Variants in TMEM217B observed in about 807,000 individuals in gnomAD.
TMEM217B encodes transmembrane protein 217B.
At chr6:37,228,285 T>A in the TMEM217B span, among the ~76,000 whole-genome samples, 1 of 152,208 alleles carries the variant, frequency 6.6e-6, no homozygotes, top group Non-Finnish European at 1.5e-5. Flanking sequence ...ATTGTAGCAA[T>A]TAGGACAGTG....
the TMEM217B span, among the ~76,000 whole-genome samples, chr6:37,246,684 C>T: frequency 1.3e-5 from 2 of 152,136 alleles, no homozygotes; most frequent in African/African-American, 4.8e-5. Flanking sequence ...GGGAGGATCA[C>T]TTGAGCTCAG....
the TMEM217B span, among the ~76,000 whole-genome samples, chr6:37,249,230 A>G: frequency 6.6e-6 from 1 of 152,232 alleles, no homozygotes; most frequent in African/African-American, 2.4e-5. Context: ...AAGCATATCC[A>G]TTTGTAGATT....
chr6:37,252,136 G>A, the TMEM217B span, among the ~76,000 whole-genome samples: 1 of 152,090 alleles, frequency 6.6e-6, no homozygotes, highest in Non-Finnish European at 1.5e-5. Flanking sequence ...CAGGTGATCC[G>A]CCTGCCTCGG....
chr6:37,249,965 A>G, the TMEM217B span, among the ~76,000 whole-genome samples: 58 of 152,386 alleles, frequency 3.8e-4, no homozygotes, highest in Non-Finnish European at 7.6e-4. Context: ...GAAAGTTTGT[A>G]GCAGCAGAGT....
the TMEM217B span, among the ~76,000 whole-genome samples, chr6:37,232,760 C>T: frequency 5.9e-5 from 9 of 152,340 alleles, no homozygotes; most frequent in Admixed American, 4.6e-4. Flanking sequence ...CTGCCCTCCG[C>T]GGAATCTTCC....
chr6:37,228,643 G>T, the TMEM217B span, among the ~76,000 whole-genome samples: 1 of 152,136 alleles, frequency 6.6e-6, no homozygotes, highest in East Asian at 1.9e-4. Flanking sequence ...GGCGGAGGTT[G>T]CAGTGAGCCG....
At chr6:37,247,443 G>A in the TMEM217B span, among the ~76,000 whole-genome samples, 4 of 150,842 alleles carry the variant, frequency 2.7e-5, no homozygotes, top group East Asian at 7.8e-4. Flanking sequence ...GCTGGAGTGC[G>A]GTGACGCGAC....
chr6:37,219,918 C>T, the TMEM217B span, among the ~76,000 whole-genome samples: 1 of 152,086 alleles, frequency 6.6e-6, no homozygotes, highest in African/African-American at 2.4e-5. Flanking sequence ...TGGCTTTGGG[C>T]AATCGCTTCT....
At chr6:37,243,935 G>C in the TMEM217B span, among the ~76,000 whole-genome samples, 1 of 152,166 alleles carries the variant, frequency 6.6e-6, no homozygotes, top group Non-Finnish European at 1.5e-5. Context: ...CATGGAGTCA[G>C]CCAGTCCTCA....
chr6:37,231,752 G>A, the TMEM217B span, among the ~76,000 whole-genome samples: 1 of 145,702 alleles, frequency 6.9e-6, no homozygotes, highest in Non-Finnish European at 1.5e-5. Flanking sequence ...TATATATTAT[G>A]TTATTATATA....
chr6:37,255,091 C>T, the TMEM217B span, among the ~76,000 whole-genome samples: 5 of 152,122 alleles, frequency 3.3e-5, no homozygotes, highest in African/African-American at 1.2e-4. Flanking sequence ...GGCCTGGTTC[C>T]TAACAGGCAA....
chr6:37,226,329 T>G, the TMEM217B span, among the ~76,000 whole-genome samples: 1 of 138,188 alleles, frequency 7.2e-6, no homozygotes, highest in African/African-American at 2.7e-5. Context: ...GTCTCGCTCT[T>G]TCGCCCAGGC....
the TMEM217B span, among the ~76,000 whole-genome samples, chr6:37,215,035 C>T: frequency 6.6e-6 from 1 of 152,190 alleles, no homozygotes. Flanking sequence ...TTGTGAGTTT[C>T]AAGGAAATGT....
chr6:37,235,863 C>A, the TMEM217B span, among the ~76,000 whole-genome samples: 2 of 152,140 alleles, frequency 1.3e-5, no homozygotes, highest in African/African-American at 4.8e-5. Context: ...TTTGAAGGAA[C>A]CCTCATGACT....
At chr6:37,228,312 T>C in the TMEM217B span, among the ~76,000 whole-genome samples, 1 of 152,260 alleles carries the variant, frequency 6.6e-6, no homozygotes, top group East Asian at 1.9e-4. Context: ...TGCCTGAAAG[T>C]ATTTGAATTC....
At chr6:37,218,827 G>T in the TMEM217B span, 2 of 1,614,190 alleles carry the variant, frequency 1.2e-6, no homozygotes, top group Non-Finnish European at 1.7e-6. Flanking sequence ...ACAGGAAGAG[G>T]ACGATTTTAA....
At chr6:37,256,135 A>G in the TMEM217B span, among the ~76,000 whole-genome samples, 1 of 152,386 alleles carries the variant, frequency 6.6e-6, no homozygotes, top group South Asian at 2.1e-4. Context: ...AGCCATGTGC[A>G]TAAGCTGGAA....
At chr6:37,220,966 A>C in the TMEM217B span, among the ~76,000 whole-genome samples, 3 of 152,066 alleles carry the variant, frequency 2.0e-5, no homozygotes, top group Non-Finnish European at 4.4e-5. Context: ...ATACAAGATA[A>C]AATTTTACAT....
the TMEM217B span, among the ~76,000 whole-genome samples, chr6:37,224,879 AT>A: frequency 6.6e-6 from 1 of 152,150 alleles, no homozygotes. Context: ...ATAAAACTTT[AT>A]TATAAAAGTA....
Sources: gnomAD v4.1 joint callset for allele counts (sites outside exome capture counted in the v4.1 genomes callset) on GRCh38, gnomAD v4.1.1 for gene constraint, MANE v1.5 for transcripts, NCBI Gene and HGNC (gene_info 2026-07-23, HGNC 2026-07-21) for gene names.